The following SCAF11 variants were observed in gnomAD, a reference collection of about 807,000 sequenced individuals.
SCAF11 encodes protein SCAF11.
In SCAF11, 47 loss-of-function variants were observed where a neutral mutation model predicts 140.5. The ratio of observed to expected loss-of-function variants is 0.33; its 90% CI spans 0.26 to 0.43. SCAF11 has a LOEUF of 0.43. Ranked by LOEUF, SCAF11 falls within the 20% of genes least tolerant of loss-of-function variation. The pLI is 1.00. For missense variants in SCAF11, 1,645 were observed against 1,705.1 expected (o/e 0.96, Z 0.62); for synonymous variants, 557 against 579.4 (o/e 0.96, Z 0.55).
chr12:45,989,983 C>CA lies in SCAF11; in HGVS notation c.-22+369_-22+370insT, dbSNP rs964813897. 3.3e-4 allele frequency among the ~76,000 whole-genome samples: 50 copies of CA among 152,038 alleles called. 1 individual carries two copies. The highest frequency in any genetic ancestry group is 1.2e-3 in the African/African-American group (49 of 41,504). On this transcript the variant is annotated intron_variant, in intron 1 of 14. Coordinates refer to ENST00000369367, the MANE Select transcript of SCAF11 (RefSeq NM_004719.3). The stretch of plus-strand genomic sequence containing the variant: ...TCTGGCGTGGAGCCCCTTCCCCCCC[C>CA]CCCGTAGGACCCTGCACCCGGACGG...
chr12:45,922,380 TTTAA>T (rs1944736332), intron 14 of SCAF11, 79 bp downstream of exon 14: 2 of 1,543,030 alleles, frequency 1.3e-6, no homozygotes, highest in South Asian at 1.2e-5. Flanking sequence ...CTTTTATTAT[TTTAA>T]TTAAACTTCA....
intron 8 of SCAF11, among the ~76,000 whole-genome samples, chr12:45,933,442 T>A (rs1419091374): frequency 6.6e-6 from 1 of 152,160 alleles, no homozygotes; most frequent in Non-Finnish European, 1.5e-5. Flanking sequence ...GAGTTGTATT[T>A]ATATGATTGT....
At chr12:45,959,632 A>G (rs1249593766) in intron 3 of SCAF11, among the ~76,000 whole-genome samples, 1 of 152,204 alleles carries the variant, frequency 6.6e-6, no homozygotes, top group Non-Finnish European at 1.5e-5. Flanking sequence ...TTGAAATCTG[A>G]TTCTATTTGT....
chr12:45,954,654 T>C (rs1435394000), intron 3 of SCAF11: 1 of 150,926 alleles, frequency 6.6e-6, no homozygotes, highest in African/African-American at 2.4e-5. Flanking sequence ...ACTGCAGGCT[T>C]GAACTCCTGG....
chr12:45,956,918 T>C (rs943289636), intron 3 of SCAF11, among the ~76,000 whole-genome samples: 1 of 152,136 alleles, frequency 6.6e-6, no homozygotes, highest in Non-Finnish European at 1.5e-5. Flanking sequence ...AAAATCCTCT[T>C]TGCTCTACTA....
intron 5 of SCAF11, among the ~76,000 whole-genome samples, chr12:45,945,983 G>A (rs1428695826): frequency 1.3e-5 from 2 of 152,072 alleles, no homozygotes; most frequent in African/African-American, 4.8e-5. Context: ...GAGCCACCAC[G>A]TCTGGCTTCA....
intron 1 of SCAF11, chr12:45,975,379 G>T (rs1427796834): frequency 6.6e-6 from 1 of 152,342 alleles, no homozygotes; most frequent in East Asian, 1.9e-4. Context: ...TAGAAGGCTG[G>T]CTCATCTGCA....
intron 1 of SCAF11, chr12:45,974,212 A>G (rs771940224): frequency 4.2e-6 from 2 of 470,942 alleles, no homozygotes; most frequent in Non-Finnish European, 4.4e-6. Flanking sequence ...AATGCTAACA[A>G]TCATCTCAGC....
chr12:45,980,223 G>A (rs1946320414), intron 1 of SCAF11, among the ~76,000 whole-genome samples: 1 of 152,180 alleles, frequency 6.6e-6, no homozygotes, highest in Non-Finnish European at 1.5e-5. Context: ...CAGAAATCAT[G>A]AGTATTCAAA....
In SCAF11 at chr12:45,923,227, A is replaced by G. The variant is rs1691777502; in HGVS notation, c.3907-73T>C. 3.0e-6 allele frequency: 4 copies of G among 1,324,244 alleles called. No individual in the cohort carries two copies. The Admixed American group carries it at 7.4e-5, about 25-fold the overall frequency. 82.0% of individuals were successfully genotyped at this position (1,324,244 alleles called of 1,614,324 possible). A position where few individuals can be genotyped will look rare whatever the true frequency, so the allele number is the denominator to read the frequency against. ...GAAGTCTTTTAGTGATGCATTAGAAATAACATTAAAAAACACAAAGCAAAC... is the reference window on the plus strand; with the variant it reads ...GAAGTCTTTTAGTGATGCATTAGAAGTAACATTAAAAAACACAAAGCAAAC... On this transcript the variant is annotated intron_variant, in intron 12 of 14. Coordinates refer to ENST00000369367, the MANE Select transcript of SCAF11 (RefSeq NM_004719.3).
intron 1 of SCAF11, among the ~76,000 whole-genome samples, chr12:45,985,462 T>G (rs1031058076): frequency 6.6e-6 from 1 of 152,142 alleles, no homozygotes; most frequent in African/African-American, 2.4e-5. Flanking sequence ...TCTAGTACCT[T>G]AATCTGATCT....
At chr12:45,936,274 T>C (rs950085129) in intron 6 of SCAF11, among the ~76,000 whole-genome samples, 2 of 151,988 alleles carry the variant, frequency 1.3e-5, no homozygotes, top group African/African-American at 4.8e-5. Context: ...CCTGAGCAGC[T>C]GGGACTACAG....
intron 6 of SCAF11, among the ~76,000 whole-genome samples, chr12:45,938,959 A>T (rs1945234371): frequency 6.7e-6 from 1 of 149,274 alleles, no homozygotes; most frequent in Non-Finnish European, 1.5e-5. Flanking sequence ...AGTGAACATA[A>T]AGGAGATTAA....
rs763851728 is a variant in SCAF11 at position 45,934,464 on chromosome 12, C to T, written c.505G>A (p.Ala169Thr). The change falls in exon 7 of 15, where the codon GCA (alanine) becomes ACA (threonine). Residue 169 changes from alanine to threonine, a missense_variant. Physicochemically the swap from Ala to Thr is moderately conservative, Grantham distance 58 (BLOSUM62 0). This residue lies in a region of SCAF11 where 1,582 missense variants were observed against 1,609.2 expected (regional missense o/e 0.98). Transcript: ENST00000369367. ...YSETGGKKNA[A>T]IKINKPQRSN... The stretch of plus-strand genomic sequence containing the variant: ...CAACAAACCTTATTTATCTTTATTG[C>T]TGCATTTTTCTTTCCTCCTGTTTCA... The T allele has an allele frequency of 7.5e-6, 12 of 1,594,622 alleles. No homozygotes were observed. In the South Asian group the frequency reaches 1.4e-4, roughly 19 times the overall value.
chr12:45,931,496 C>A lies in SCAF11; in HGVS notation c.841+10G>T. The A allele has an allele frequency of 1.5e-6, 2 of 1,330,964 alleles. No individual in the cohort carries two copies. Among genetic ancestry groups the A allele is most frequent in the Non-Finnish European group, 2.0e-6 (2 of 1,004,734 alleles). The allele number at this position is 1,330,964 out of a possible 1,614,324, so 82.4% of individuals were successfully genotyped here. A position where few individuals can be genotyped will look rare whatever the true frequency, so the allele number is the denominator to read the frequency against. On this transcript the variant is annotated intron_variant, in intron 10 of 14. Coordinates refer to ENST00000369367, the MANE Select transcript of SCAF11 (RefSeq NM_004719.3). The stretch of plus-strand genomic sequence containing the variant: ...ATTTTTAAAATAGAAAATGATTTCA[C>A]AAACTTTACCAAAATGTTCGAAAGA...
chr12:45,985,345 C>T (rs907506746), intron 1 of SCAF11, among the ~76,000 whole-genome samples: 1 of 152,142 alleles, frequency 6.6e-6, no homozygotes, highest in Non-Finnish European at 1.5e-5. Flanking sequence ...ACCTTCTTTG[C>T]ATAACTTTTT....
chr12:45,932,619 A>T (rs1407976276), intron 9 of SCAF11, among the ~76,000 whole-genome samples: 2 of 152,168 alleles, frequency 1.3e-5, no homozygotes, highest in African/African-American at 4.8e-5. Flanking sequence ...TAGGAGCTTG[A>T]TTTAAGTATA....
At chr12:45,958,836 C>T (rs542783402) in intron 3 of SCAF11, among the ~76,000 whole-genome samples, 1 of 152,204 alleles carries the variant, frequency 6.6e-6, no homozygotes, top group South Asian at 2.1e-4. Flanking sequence ...TTTAAATAAC[C>T]ACAGAACCAA....
chr12:45,939,479 T>G (rs1945245416), intron 6 of SCAF11, among the ~76,000 whole-genome samples: 1 of 152,214 alleles, frequency 6.6e-6, no homozygotes, highest in African/African-American at 2.4e-5. Context: ...GCAGATCATC[T>G]GAGGTCAGGA....
Sources: allele counts gnomAD v4.1 joint callset (sites outside exome capture counted in the v4.1 genomes callset), GRCh38; gene constraint gnomAD v4.1.1; regional missense constraint gnomAD v4.1.1; transcripts MANE v1.5; gene names NCBI Gene and HGNC (gene_info 2026-07-23, HGNC 2026-07-21).